Variants in SAMD5 observed in about 807,000 individuals in gnomAD.
The protein encoded by SAMD5 is sterile alpha motif domain containing 5.
SAMD5 carries 13 observed loss-of-function variants against 11.3 expected under a neutral mutation model. That is an observed-to-expected ratio of 1.15 (90% CI 0.75 to 1.83). The LOEUF (loss-of-function observed/expected upper bound fraction) is 1.83, where lower values mean the gene tolerates loss of function less well. SAMD5 is among the 40% of genes most tolerant of loss of function. The probability of loss-of-function intolerance (pLI) is 0.00; values close to 1 mark genes in which losing one functional copy is unlikely to be tolerated. For synonymous variants in SAMD5, 129 were observed against 111.3 expected (o/e 1.16, Z -1.00); for missense variants, 255 against 239.1 (o/e 1.07, Z -0.44).
chr6:147,680,860 G>C (rs1467234947), intron 1 of SAMD5, among the ~76,000 whole-genome samples: 2 of 152,106 alleles, frequency 1.3e-5, no homozygotes, highest in Non-Finnish European at 1.5e-5. Flanking sequence ...TGGTCAGGCT[G>C]TATTTTCATT....
At chr6:147,516,088 TG>T (rs1788166911) in intron 1 of SAMD5, among the ~76,000 whole-genome samples, 1 of 152,270 alleles carries the variant, frequency 6.6e-6, no homozygotes, top group African/African-American at 2.4e-5. Context: ...CTGGGCTAGA[TG>T]GCTGACCACC....
chr6:147,788,836 C>A, the SAMD5 span, among the ~76,000 whole-genome samples: 1 of 152,156 alleles, frequency 6.6e-6, no homozygotes, highest in Non-Finnish European at 1.5e-5. Context: ...GTAATCCCAG[C>A]ACTTTGGGAG....
chr6:147,800,497 C>G, the SAMD5 span, among the ~76,000 whole-genome samples: 1 of 152,210 alleles, frequency 6.6e-6, no homozygotes, highest in Non-Finnish European at 1.5e-5. Context: ...ACATTTAAGT[C>G]TGCAGAGGTT....
chr6:147,887,592 G>A, the SAMD5 span, among the ~76,000 whole-genome samples: 1 of 151,988 alleles, frequency 6.6e-6, no homozygotes, highest in Non-Finnish European at 1.5e-5. Context: ...TGGACATTTG[G>A]GTTGATTCCA....
chr6:147,551,319 T>G (rs948059598), intron 1 of SAMD5, among the ~76,000 whole-genome samples: 2 of 152,152 alleles, frequency 1.3e-5, no homozygotes, highest in African/African-American at 4.8e-5. Context: ...CCTTATTTCA[T>G]AGGTCAAAAA....
At chr6:147,643,890 T>TGTCCTAAGGTAAAGAAGA (rs1554239658) in intron 1 of SAMD5, among the ~76,000 whole-genome samples, 3 of 139,486 alleles carry the variant, frequency 2.2e-5, no homozygotes, top group Non-Finnish European at 4.8e-5. Context: ...AAGAAAGAAA[T>TGTCCTAAGGTAAAGAAGA]GATAAGTTCC....
At chr6:147,705,224 A>C (rs1197649465) in intron 1 of SAMD5, among the ~76,000 whole-genome samples, 1 of 152,134 alleles carries the variant, frequency 6.6e-6, no homozygotes, top group Non-Finnish European at 1.5e-5. Context: ...GAAAGTTAAT[A>C]TTATATGTAT....
At chr6:147,833,035 A>G in the SAMD5 span, among the ~76,000 whole-genome samples, 1 of 152,230 alleles carries the variant, frequency 6.6e-6, no homozygotes, top group African/African-American at 2.4e-5. Context: ...ATAGCAATTT[A>G]ATACCAGTCC....
chr6:147,681,936 T>C (rs2128456372), intron 1 of SAMD5, among the ~76,000 whole-genome samples: 1 of 152,300 alleles, frequency 6.6e-6, no homozygotes, highest in East Asian at 1.9e-4. Flanking sequence ...GCCCCTTTTG[T>C]GAGTTTCTTT....
At chr6:147,693,416 T>C (rs1047914538) in intron 1 of SAMD5, among the ~76,000 whole-genome samples, 3 of 152,160 alleles carry the variant, frequency 2.0e-5, no homozygotes, top group Non-Finnish European at 4.4e-5. Context: ...TTGAGGAAGA[T>C]TCATAAGGCC....
intron 1 of SAMD5, among the ~76,000 whole-genome samples, chr6:147,634,560 C>T (rs1790197198): frequency 6.6e-6 from 1 of 152,184 alleles, no homozygotes; most frequent in Non-Finnish European, 1.5e-5. Flanking sequence ...GAAGTTTATT[C>T]CTTTTTACAG....
At chr6:147,818,553 A>G in the SAMD5 span, among the ~76,000 whole-genome samples, 1 of 152,240 alleles carries the variant, frequency 6.6e-6, no homozygotes, top group African/African-American at 2.4e-5. Context: ...GTGAACTAAC[A>G]CAAATGCCAA....
chr6:147,835,398 C>T, the SAMD5 span, among the ~76,000 whole-genome samples: 1 of 152,122 alleles, frequency 6.6e-6, no homozygotes, highest in East Asian at 1.9e-4. Context: ...CAGTTTTCCT[C>T]AGCTGCTGTT....
chr6:147,610,892 T>C, intron 1 of SAMD5, among the ~76,000 whole-genome samples: 1 of 146,550 alleles, frequency 6.8e-6, no homozygotes, highest in South Asian at 2.2e-4. Flanking sequence ...TTTTTTGAGA[T>C]GGAGTCTCAC....
chr6:147,530,496 G>A (rs1255890302), intron 1 of SAMD5, among the ~76,000 whole-genome samples: 1 of 152,216 alleles, frequency 6.6e-6, no homozygotes. Flanking sequence ...ATTGCCCTCT[G>A]GGGCCAACCA....
chr6:147,586,245 G>A (rs746083533), intron 1 of SAMD5, among the ~76,000 whole-genome samples: 56 of 152,212 alleles, frequency 3.7e-4, no homozygotes, highest in African/African-American at 1.3e-3. Flanking sequence ...CTTCAATTAC[G>A]GGCAAACTGC....
chr6:147,890,727 T>A, the SAMD5 span, among the ~76,000 whole-genome samples: 1 of 151,646 alleles, frequency 6.6e-6, no homozygotes, highest in South Asian at 2.1e-4. Context: ...AAATAGAGAC[T>A]CATGAAGGCT....
intron 1 of SAMD5, chr6:147,737,304 T>A (rs1425629763): frequency 8.3e-7 from 1 of 1,205,196 alleles, no homozygotes; most frequent in East Asian, 6.2e-5. Flanking sequence ...CATTTCCTCT[T>A]TTTATGCTCC....
intron 1 of SAMD5, among the ~76,000 whole-genome samples, chr6:147,584,080 G>C (rs995402515): frequency 5.3e-5 from 8 of 152,080 alleles, no homozygotes; most frequent in Non-Finnish European, 1.2e-4. Flanking sequence ...ATACTGGAAA[G>C]TCAAATGGCA....
Sources: gnomAD v4.1 joint callset for allele counts (sites outside exome capture counted in the v4.1 genomes callset) on GRCh38, gnomAD v4.1.1 for gene constraint, MANE v1.5 for transcripts, NCBI Gene and HGNC (gene_info 2026-07-23, HGNC 2026-07-21) for gene names.